Variants in POU6F2 observed in about 807,000 individuals in gnomAD.
The protein encoded by POU6F2 is POU class 6 homeobox 2.
Under a neutral mutation model 71.3 loss-of-function variants are expected in POU6F2, and 31 were observed. The observed-to-expected ratio is 0.43, with a 90% CI of 0.33 to 0.59. POU6F2 has a LOEUF of 0.59. POU6F2 is among the 20% of genes least tolerant of loss of function. The pLI is 0.04. For synonymous variants in POU6F2, 347 were observed against 355.7 expected (o/e 0.98, Z 0.27); for missense variants, 783 against 856.8 (o/e 0.91, Z 1.07).
intron 1 of POU6F2, among the ~76,000 whole-genome samples, chr7:39,067,432 A>T (rs1420748643): frequency 6.6e-6 from 1 of 152,034 alleles, no homozygotes; most frequent in Non-Finnish European, 1.5e-5. Flanking sequence ...TGACTGGATA[A>T]AAATTTTAAA....
chr7:39,329,918 A>G (rs17171572), intron 4 of POU6F2, among the ~76,000 whole-genome samples: 14,873 of 152,270 alleles, frequency 0.098, 997 homozygotes, highest in South Asian at 0.19. Flanking sequence ...TGCCTAAAAC[A>G]TAGGAATTTG....
chr7:39,169,418 T>A, intron 2 of POU6F2, among the ~76,000 whole-genome samples: 1 of 152,178 alleles, frequency 6.6e-6, no homozygotes. Context: ...GCCCATAAAG[T>A]GTCTGGGCCC....
chr7:39,054,572 C>T (rs1454170696), intron 1 of POU6F2, among the ~76,000 whole-genome samples: 3 of 151,912 alleles, frequency 2.0e-5, no homozygotes, highest in African/African-American at 7.3e-5. Flanking sequence ...CAGGTAATGG[C>T]CCTCTAAGCA....
At chr7:39,062,952 T>C (rs1255805108) in intron 1 of POU6F2, among the ~76,000 whole-genome samples, 1 of 151,968 alleles carries the variant, frequency 6.6e-6, no homozygotes, top group Non-Finnish European at 1.5e-5. Flanking sequence ...CTGTTCACTG[T>C]GGATCTGAGA....
intron 1 of POU6F2, among the ~76,000 whole-genome samples, chr7:39,084,615 G>T (rs185637169): frequency 6.9e-4 from 105 of 152,232 alleles, no homozygotes; most frequent in African/African-American, 2.4e-3. Flanking sequence ...ATTGACTAAA[G>T]AAGTGCATTT....
chr7:39,307,095 C>T (rs34905355), intron 4 of POU6F2, among the ~76,000 whole-genome samples: 42 of 152,142 alleles, frequency 2.8e-4, no homozygotes, highest in African/African-American at 9.4e-4. Context: ...TGTTGATTTG[C>T]ATTATAAAAT....
intron 4 of POU6F2, among the ~76,000 whole-genome samples, chr7:39,326,831 G>T (rs1162633988): frequency 2.0e-5 from 3 of 152,148 alleles, no homozygotes; most frequent in Admixed American, 2.0e-4. Flanking sequence ...CAGAGCCTGG[G>T]GAGAGTTCAG....
intron 2 of POU6F2, among the ~76,000 whole-genome samples, chr7:39,108,889 T>C (rs929316838): frequency 1.2e-4 from 18 of 152,266 alleles, no homozygotes; most frequent in African/African-American, 4.3e-4. Flanking sequence ...TTATGAAACA[T>C]TAGTAGAAGA....
chr7:39,285,388 A>G (rs1056266232), intron 4 of POU6F2, among the ~76,000 whole-genome samples: 1 of 152,212 alleles, frequency 6.6e-6, no homozygotes, highest in East Asian at 1.9e-4. Flanking sequence ...TATGTCGTGT[A>G]TTAGTCACTC....
intron 8 of POU6F2, among the ~76,000 whole-genome samples, chr7:39,458,928 G>A (rs1001501582): frequency 6.6e-6 from 1 of 152,084 alleles, no homozygotes; most frequent in Non-Finnish European, 1.5e-5. Flanking sequence ...GGAAGACCTA[G>A]ATGAATCCTC....
chr7:39,338,922 G>A (rs776185509), intron 4 of POU6F2, among the ~76,000 whole-genome samples: 2 of 152,092 alleles, frequency 1.3e-5, no homozygotes, highest in Non-Finnish European at 2.9e-5. Context: ...GTGCTGTCCT[G>A]TCCTCAGGTG....
chr7:39,049,667 A>G (rs1011115415), intron 1 of POU6F2, among the ~76,000 whole-genome samples: 2 of 152,036 alleles, frequency 1.3e-5, no homozygotes, highest in African/African-American at 4.8e-5. Context: ...CTGCTCTGTT[A>G]TATCTAGCAG....
At chr7:39,115,765 G>GA (rs1791915615) in intron 2 of POU6F2, among the ~76,000 whole-genome samples, 1 of 152,086 alleles carries the variant, frequency 6.6e-6, no homozygotes, top group African/African-American at 2.4e-5. Flanking sequence ...ATTTGAAACA[G>GA]GTAGAAGAAG....
At chr7:39,381,967 G>T (rs1448145905) in intron 5 of POU6F2, among the ~76,000 whole-genome samples, 3 of 151,926 alleles carry the variant, frequency 2.0e-5, no homozygotes, top group Non-Finnish European at 2.9e-5. Flanking sequence ...CACAACTAGG[G>T]TAACAACTCC....
At chr7:39,396,926 C>A (rs1787185664) in intron 5 of POU6F2, among the ~76,000 whole-genome samples, 1 of 151,960 alleles carries the variant, frequency 6.6e-6, no homozygotes, top group African/African-American at 2.4e-5. Context: ...TTGTTCACTG[C>A]CACTTTATCC....
chr7:39,271,494 GAAAA>G (rs36038013), intron 4 of POU6F2, among the ~76,000 whole-genome samples: 141 of 136,742 alleles, frequency 1.0e-3, no homozygotes, highest in Non-Finnish European at 1.5e-3. Context: ...CTCAATCAGT[GAAAA>G]AAAAAAAAAA....
At chr7:39,307,777 G>C (rs1004360911) in intron 4 of POU6F2, among the ~76,000 whole-genome samples, 6 of 152,064 alleles carry the variant, frequency 3.9e-5, no homozygotes, top group Admixed American at 2.0e-4. Context: ...AGACCAGCAT[G>C]GTCAACATGG....
intron 2 of POU6F2, among the ~76,000 whole-genome samples, chr7:39,190,872 G>A (rs1464452264): frequency 1.3e-5 from 2 of 151,692 alleles, no homozygotes; most frequent in South Asian, 4.2e-4. Flanking sequence ...TCCTGACCTC[G>A]TGATCTGCCT....
chr7:39,170,861 A>G (rs1257881842), intron 2 of POU6F2, among the ~76,000 whole-genome samples: 2 of 151,998 alleles, frequency 1.3e-5, no homozygotes, highest in East Asian at 3.8e-4. Flanking sequence ...TCTGCCTATG[A>G]AGTAGCCATT....
Sources: allele counts gnomAD v4.1 joint callset (sites outside exome capture counted in the v4.1 genomes callset), GRCh38; gene constraint gnomAD v4.1.1; transcripts MANE v1.5; gene names NCBI Gene and HGNC (gene_info 2026-07-23, HGNC 2026-07-21).